Variants in SPOCK1 observed in about 807,000 individuals in gnomAD.
SPOCK1 encodes the protein testican-1.
A neutral mutation model predicts 55.3 loss-of-function variants in SPOCK1; 23 were observed. The observed-to-expected ratio is 0.42, with a 90% confidence interval of 0.30 to 0.59. The LOEUF (loss-of-function observed/expected upper bound fraction) is 0.59, where lower values mean the gene tolerates loss of function less well. Ranked by LOEUF, SPOCK1 falls within the 20% of genes least tolerant of loss-of-function variation. The pLI is 0.22. For missense variants in SPOCK1, 499 were observed against 552.5 expected (o/e 0.90, Z 0.97); for synonymous variants, 226 against 221.0 (o/e 1.02, Z -0.20).
At chr5:137,291,156 T>G (rs2905555) in intron 2 of SPOCK1, among the ~76,000 whole-genome samples, 2 of 152,014 alleles carry the variant, frequency 1.3e-5, no homozygotes, top group Non-Finnish European at 2.9e-5. Context: ...ATCTATAGAA[T>G]AGGAAATCCA....
chr5:137,433,152 G>C (rs749200417), intron 2 of SPOCK1, among the ~76,000 whole-genome samples: 1 of 152,224 alleles, frequency 6.6e-6, no homozygotes, highest in African/African-American at 2.4e-5. Context: ...TGGCTTTGGG[G>C]TTTGAGGAAA....
intron 6 of SPOCK1, among the ~76,000 whole-genome samples, chr5:137,005,638 G>C (rs1344431130): frequency 1.3e-5 from 2 of 152,048 alleles, no homozygotes; most frequent in African/African-American, 2.4e-5. Context: ...AAGCACAAGG[G>C]AGAACAGCAC....
intron 3 of SPOCK1, among the ~76,000 whole-genome samples, chr5:137,176,809 C>G (rs992818786): frequency 6.6e-5 from 10 of 152,056 alleles, no homozygotes; most frequent in Admixed American, 6.6e-5. Context: ...TGATGAAATG[C>G]AGCATCAATT....
At position 137,095,217 on chromosome 5, in the gene SPOCK1, G is replaced by T. The variant is rs191151582; in HGVS notation, c.474+17218C>A. Among the ~76,000 whole-genome samples, 3 of 152,244 alleles carry T rather than the reference G, an allele frequency of 2.0e-5. No homozygotes were observed. In the East Asian group the frequency reaches 5.8e-4, roughly 29 times the overall value. Reference sequence around the variant, plus strand: ...ACCATAACAAATATAATAATAATTTGTAAAGTTTGAAATATTGCAAGAATT... The same window carrying T: ...ACCATAACAAATATAATAATAATTTTTAAAGTTTGAAATATTGCAAGAATT... On this transcript the variant is annotated intron_variant, in intron 5 of 10. Transcript: ENST00000394945.
intron 7 of SPOCK1, among the ~76,000 whole-genome samples, chr5:136,990,738 A>G (rs1750934750): frequency 6.6e-6 from 1 of 152,172 alleles, no homozygotes; most frequent in Non-Finnish European, 1.5e-5. Flanking sequence ...TCAATTTTAT[A>G]GGATATCGAT....
At chr5:137,193,153 T>C (rs1006373565) in intron 3 of SPOCK1, among the ~76,000 whole-genome samples, 5 of 152,094 alleles carry the variant, frequency 3.3e-5, no homozygotes, top group African/African-American at 1.2e-4. Context: ...CTGGAAGAAG[T>C]ATACCAATTA....
intron 1 of SPOCK1, 136 bp from the exon 2 acceptor site, chr5:137,498,694 CG>C (rs901657531): frequency 1.8e-6 from 1 of 566,436 alleles, no homozygotes; most frequent in African/African-American, 2.0e-5. Context: ...GCACCTGGGG[CG>C]CCTGTCGCGC....
intron 3 of SPOCK1, among the ~76,000 whole-genome samples, chr5:137,241,662 C>G (rs1241349141): frequency 6.7e-6 from 1 of 149,438 alleles, no homozygotes. Context: ...CTCTCTGTCA[C>G]CCCTTTTGCC....
intron 6 of SPOCK1, among the ~76,000 whole-genome samples, chr5:137,019,495 T>C (rs900730224): frequency 6.6e-6 from 1 of 152,146 alleles, no homozygotes; most frequent in East Asian, 1.9e-4. Flanking sequence ...CATATTTGTA[T>C]AGCTAACCAC....
chr5:137,053,605 T>A (rs1752249732), intron 6 of SPOCK1, among the ~76,000 whole-genome samples: 1 of 145,346 alleles, frequency 6.9e-6, no homozygotes, highest in Admixed American at 7.1e-5. Context: ...TACTCCATAG[T>A]GCCACTGGGG....
chr5:137,276,099 G>GC (rs1757061817), intron 2 of SPOCK1, among the ~76,000 whole-genome samples: 1 of 152,162 alleles, frequency 6.6e-6, no homozygotes, highest in Admixed American at 6.5e-5. Flanking sequence ...AAGCCCATCA[G>GC]CCCAGCTCAC....
intron 3 of SPOCK1, among the ~76,000 whole-genome samples, chr5:137,153,546 A>G (rs543619976): frequency 3.7e-4 from 57 of 152,270 alleles, no homozygotes; most frequent in Admixed American, 1.6e-3. Context: ...AGATGTGATA[A>G]GAAAGAAAAG....
At chr5:137,014,874 A>C (rs976273434) in intron 6 of SPOCK1, among the ~76,000 whole-genome samples, 1 of 152,216 alleles carries the variant, frequency 6.6e-6, no homozygotes, top group African/African-American at 2.4e-5. Flanking sequence ...TTTATCTGAC[A>C]GTTATTCTGT....
At chr5:137,450,289 A>C (rs990672705) in intron 2 of SPOCK1, among the ~76,000 whole-genome samples, 2 of 152,216 alleles carry the variant, frequency 1.3e-5, no homozygotes, top group African/African-American at 4.8e-5. Context: ...GATAGGTGTT[A>C]ACCCACTGGG....
At chr5:137,198,211 C>T (rs1261410027) in intron 3 of SPOCK1, among the ~76,000 whole-genome samples, 1 of 152,190 alleles carries the variant, frequency 6.6e-6, no homozygotes, top group East Asian at 1.9e-4. Context: ...CATAACAGTT[C>T]ACCAACAAAT....
intron 2 of SPOCK1, among the ~76,000 whole-genome samples, chr5:137,307,516 G>C (rs1478883901): frequency 6.6e-6 from 1 of 152,050 alleles, no homozygotes; most frequent in East Asian, 1.9e-4. Context: ...TTGTGTTCTG[G>C]TCCATGGTTT....
chr5:137,212,258 C>T (rs1438545285), intron 3 of SPOCK1, among the ~76,000 whole-genome samples: 1 of 151,782 alleles, frequency 6.6e-6, no homozygotes, highest in African/African-American at 2.4e-5. Context: ...ATTGTGGTGA[C>T]TAAAGGTGAG....
At chr5:137,193,246 A>T (rs553001282) in intron 3 of SPOCK1, among the ~76,000 whole-genome samples, 86 of 152,282 alleles carry the variant, frequency 5.6e-4, no homozygotes, top group African/African-American at 2.1e-3. Context: ...TAGACCAATT[A>T]GGAGGTTGCT....
At chr5:137,160,672 A>G (rs1754536275) in intron 3 of SPOCK1, among the ~76,000 whole-genome samples, 1 of 114,826 alleles carries the variant, frequency 8.7e-6, no homozygotes, top group Non-Finnish European at 1.7e-5. Flanking sequence ...TATATAATAT[A>G]TAATATATGT....
Sources: allele counts gnomAD v4.1 joint callset (sites outside exome capture counted in the v4.1 genomes callset), GRCh38; gene constraint gnomAD v4.1.1; transcripts MANE v1.5; gene names NCBI Gene and HGNC (gene_info 2026-07-23, HGNC 2026-07-21).